Variants in WRNIP1 observed in about 807,000 individuals in gnomAD.
WRNIP1 encodes the protein WRN helicase interacting protein 1, also known as ATPase WRNIP1.
Under a neutral mutation model 56.1 loss-of-function variants are expected in WRNIP1, and 41 were observed. The ratio of observed to expected loss-of-function variants is 0.73; its 90% CI spans 0.57 to 0.95. WRNIP1 has a LOEUF of 0.95. Ranked by LOEUF, WRNIP1 falls within the 40% of genes least tolerant of loss-of-function variation. The pLI, the probability that WRNIP1 is intolerant of heterozygous loss-of-function variation, is 0.00. For synonymous variants in WRNIP1, 547 were observed against 398.1 expected (o/e 1.37, Z -4.45); for missense variants, 1,170 against 939.4 (o/e 1.25, Z -3.21).
chr6:2,782,818 C>T (rs543366949), intron 4 of WRNIP1, among the ~76,000 whole-genome samples: 41 of 152,298 alleles, frequency 2.7e-4, no homozygotes, highest in African/African-American at 7.0e-4. Flanking sequence ...CACTTCAGGG[C>T]GGAAGCTGGT....
At chr6:2,776,771 A>G (rs1179277353) in intron 3 of WRNIP1, among the ~76,000 whole-genome samples, 1 of 152,220 alleles carries the variant, frequency 6.6e-6, no homozygotes, top group Non-Finnish European at 1.5e-5. Flanking sequence ...AAGGCTGCCC[A>G]TCTCGTCACT....
In WRNIP1 at chr6:2,766,282, G is replaced by A. The variant is rs1271219583; in HGVS notation, c.660G>A (p.Gln220=). 6.3e-7 allele frequency: 1 copy of A among 1,591,496 alleles called. No homozygotes were observed. ...PRALAAEEIR[Q]MLQGKPLADT... Reference sequence around the variant, plus strand: ...CGCTGGCTGCCGAGGAGATCCGACAGATGCTACAGGGCAAGCCGCTGGCCG... The same window carrying A: ...CGCTGGCTGCCGAGGAGATCCGACAAATGCTACAGGGCAAGCCGCTGGCCG... Residue 220 remains glutamine (Q), a synonymous_variant, in exon 1 of 7, where the codon CAG becomes CAA. Transcript: ENST00000380773.
intron 3 of WRNIP1, among the ~76,000 whole-genome samples, chr6:2,778,666 A>G (rs988958352): frequency 3.3e-5 from 5 of 152,204 alleles, no homozygotes; most frequent in African/African-American, 1.2e-4. Context: ...CAGCATCCCA[A>G]GATTCCCCAG....
chr6:2,771,473 C>T (rs766485315), intron 3 of WRNIP1, among the ~76,000 whole-genome samples: 2 of 152,210 alleles, frequency 1.3e-5, no homozygotes, highest in Non-Finnish European at 2.9e-5. Context: ...CACATGGACT[C>T]ATACTCAGAA....
chr6:2,768,921 A>G (rs750402830), intron 2 of WRNIP1, 39 bp downstream of exon 2: 5 of 1,562,568 alleles, frequency 3.2e-6, no homozygotes, highest in Non-Finnish European at 4.3e-6. Context: ...CGTTGTGAAC[A>G]TCAAACAATA....
chr6:2,765,591 C>A lies in WRNIP1; in HGVS notation c.-32C>A. The A allele has an allele frequency of 2.0e-6, 3 of 1,467,324 alleles. No homozygotes were observed. The African/African-American group carries it at 4.4e-5, about 22-fold the overall frequency. 90.9% of individuals were successfully genotyped at this position (1,467,324 alleles called of 1,614,324 possible). The stretch of plus-strand genomic sequence containing the variant: ...CCGCGTGCGCACGGGTTGCTGCGGC[C>A]GCGCCGGGCGCCGGGGAGGGCGGCG... On this transcript the variant is annotated 5_prime_UTR_variant, in exon 1 of 7. Coordinates refer to ENST00000380773, the MANE Select transcript of WRNIP1 (RefSeq NM_020135.3).
Position 2,785,056 on chromosome 6 carries a change from T to C in WRNIP1, c.1772T>C (p.Ile591Thr). 1 of 1,614,122 alleles carries C rather than the reference T, an allele frequency of 6.2e-7. No individual in the cohort carries two copies. The highest frequency in any genetic ancestry group is 8.5e-7 in the Non-Finnish European group (1 of 1,180,020). Residue 591 changes from isoleucine (I) to threonine (T), a missense_variant, in exon 7 of 7, where the codon ATT becomes ACT. Physicochemically the swap from Ile to Thr is moderately conservative, Grantham distance 89 (BLOSUM62 -1). Transcript: ENST00000380773. ...VVYFARAPKSIEVYSAYNNVK... is the reference protein window; with the variant it reads ...VVYFARAPKSTEVYSAYNNVK... ...TACTTTGCCAGAGCCCCAAAGTCCATTGAGGTGTACAGCGCCTACAACAAC... is the reference window on the plus strand; with the variant it reads ...TACTTTGCCAGAGCCCCAAAGTCCACTGAGGTGTACAGCGCCTACAACAAC...
intron 1 of WRNIP1, among the ~76,000 whole-genome samples, chr6:2,767,644 G>A (rs188018279): frequency 1.1e-4 from 16 of 152,352 alleles, no homozygotes; most frequent in Middle Eastern, 3.4e-3. Context: ...AAGGGATTGA[G>A]CAGTATCATT....
rs200013445 is a variant in WRNIP1, at chr6:2,779,359, G to A, written c.1353G>A (p.Val451=). Residue 451 remains valine (V), a synonymous_variant, in exon 4 of 7, where the codon GTG becomes GTA. Coordinates refer to ENST00000380773, the MANE Select transcript of WRNIP1 (RefSeq NM_020135.3). ...GGTTGAACGGACTGCAGCTGGCGGT[G>A]CTGGCTAGGTTAAGCTCTAGGAAGA... ...RAGLNGLQLA[V]LARLSSRKMF... is the part of the protein sequence containing the mutation. 2.5e-6 allele frequency: 4 copies of A among 1,614,212 alleles called. No homozygotes were observed. In the African/African-American group the frequency reaches 5.3e-5, roughly 22 times the overall value.
chr6:2,783,399 A>G lies in WRNIP1; in HGVS notation c.1487-7A>G. On this transcript the variant is annotated splice_region_variant and splice_polypyrimidine_tract_variant and intron_variant, in intron 4 of 6. Transcript: ENST00000380773. ...CTCTGTGTGAGTGGTGCTCTTTGTG[A>G]TGTCAGGTGAGGAGCATTACAACTG... 6.3e-7 allele frequency: 1 copy of G among 1,578,496 alleles called. No individual in the cohort carries two copies. The highest frequency in any genetic ancestry group is 8.6e-7 in the Non-Finnish European group (1 of 1,157,400).
intron 1 of WRNIP1, 53 bp downstream of exon 1, chr6:2,766,497 A>C: frequency 1.4e-6 from 2 of 1,449,854 alleles, no homozygotes; most frequent in Admixed American, 2.4e-5. Context: ...CGGTGGATGC[A>C]GCTGATGGTC....
intron 2 of WRNIP1, 97 bp from the exon 3 acceptor site, chr6:2,770,023 A>T (rs770003913): frequency 3.3e-5 from 50 of 1,535,158 alleles, no homozygotes; most frequent in Non-Finnish European, 4.3e-5. Context: ...GAAAGATAAA[A>T]ATGAGGAAAA....
At chr6:2,777,993 C>T (rs1765471906) in intron 3 of WRNIP1, among the ~76,000 whole-genome samples, 2 of 152,168 alleles carry the variant, frequency 1.3e-5, no homozygotes, top group African/African-American at 4.8e-5. Context: ...TGGAAATCAA[C>T]TTTGGTAAAT....
At position 2,784,368 on chromosome 6, in the gene WRNIP1, C is replaced by T; in HGVS notation, c.1687C>T (p.Gln563Ter). The T allele has an allele frequency of 6.2e-7, 1 of 1,614,106 alleles. No individual in the cohort carries two copies. ...SALTQAVAAYQGCHFIGMPEC... is the reference protein window; with the variant it reads ...SALTQAVAAY ...GTTAACACAAGCGGTTGCTGCCTAC[C>T]AAGGCTGTCATTTTATAGGCATGCC... Residue 563 changes from glutamine (Q) to a stop codon, truncating the protein, a stop_gained, in exon 6 of 7, where the codon CAA becomes TAA. Coordinates refer to ENST00000380773, the MANE Select transcript of WRNIP1 (RefSeq NM_020135.3). LOFTEE classifies it high-confidence loss of function.
At chr6:2,784,264 T>C (rs370250034) in intron 5 of WRNIP1, 60 bp from the exon 6 acceptor site, 15 of 1,541,590 alleles carry the variant, frequency 9.7e-6, no homozygotes, top group East Asian at 6.9e-5. Context: ...CGCCTGCACA[T>C]AGGCCAGGAG....
intron 3 of WRNIP1, among the ~76,000 whole-genome samples, chr6:2,777,787 C>T (rs887212160): frequency 3.3e-5 from 5 of 152,150 alleles, no homozygotes; most frequent in East Asian, 1.9e-4. Flanking sequence ...GACATGGCCT[C>T]GGTGTTTGTT....
intron 4 of WRNIP1, among the ~76,000 whole-genome samples, chr6:2,780,586 C>G (rs1182553649): frequency 1.3e-5 from 2 of 152,198 alleles, no homozygotes; most frequent in Admixed American, 6.5e-5. Flanking sequence ...CTGGCTCTCC[C>G]TAGTGCTCTG....
intron 2 of WRNIP1, among the ~76,000 whole-genome samples, chr6:2,769,528 A>T (rs1013534762): frequency 9.2e-5 from 14 of 152,166 alleles, no homozygotes; most frequent in African/African-American, 3.4e-4. Context: ...CTTTTTAATC[A>T]TACATAGAAT....
At chr6:2,782,974 T>C (rs969813304) in intron 4 of WRNIP1, among the ~76,000 whole-genome samples, 1 of 152,236 alleles carries the variant, frequency 6.6e-6, no homozygotes, top group Admixed American at 6.5e-5. Flanking sequence ...CTATAACAGC[T>C]GCCCTTGCCA....
Sources: allele counts gnomAD v4.1 joint callset (sites outside exome capture counted in the v4.1 genomes callset), GRCh38; gene constraint gnomAD v4.1.1; transcripts MANE v1.5; gene names NCBI Gene and HGNC (gene_info 2026-07-23, HGNC 2026-07-21).